The following SNTG1 variants were observed in gnomAD, a reference collection of about 807,000 sequenced individuals.
The protein encoded by SNTG1 is syntrophin gamma 1.
Under a neutral mutation model 74.7 loss-of-function variants are expected in SNTG1, and 39 were observed. The observed-to-expected ratio is 0.52, with a 90% CI of 0.40 to 0.68. SNTG1 has a LOEUF of 0.68. Among genes scored for constraint, SNTG1 ranks in the 30% least tolerant of loss-of-function variants. SNTG1 has a pLI of 0.00. For synonymous variants in SNTG1, 254 were observed against 217.1 expected, an observed-to-expected ratio of 1.17 and a Z score of -1.49; for missense variants, 685 against 609.5, an observed-to-expected ratio of 1.12 and a Z score of -1.30.
intron 2 of SNTG1, among the ~76,000 whole-genome samples, chr8:50,376,973 G>A (rs1049184800): frequency 6.6e-6 from 1 of 152,010 alleles, no homozygotes; most frequent in Non-Finnish European, 1.5e-5. Context: ...AGCAGTGAAG[G>A]ATTCAACCTG....
rs2095696563 is a variant in SNTG1 at position 50,793,301 on chromosome 8, G to A, written c.*472G>A. 6.6e-6 allele frequency: 1 copy of A among 151,956 alleles called. No individual in the cohort carries two copies. Among genetic ancestry groups the A allele is most frequent in the Admixed American group, 6.6e-5 (1 of 15,198 alleles). The allele number at this position is 151,956 out of a possible 1,614,324, so 9.4% of individuals were successfully genotyped here. A position where few individuals can be genotyped will look rare whatever the true frequency, so the allele number is the denominator to read the frequency against. On this transcript the variant is annotated 3_prime_UTR_variant, in exon 19 of 19. Coordinates refer to ENST00000642720, the MANE Select transcript of SNTG1 (RefSeq NM_018967.5). ...GTTAAAAACCATAAATCAGCAAGGA[G>A]CATGCAAAAAAATCTCATCAAAGAA...
intron 15 of SNTG1, among the ~76,000 whole-genome samples, chr8:50,700,818 T>G (rs1304226274): frequency 6.6e-6 from 1 of 152,194 alleles, no homozygotes; most frequent in Non-Finnish European, 1.5e-5. Flanking sequence ...GGTGCTCAGA[T>G]GCCATTTGCA....
chr8:50,756,122 T>C (rs924925093), intron 18 of SNTG1, among the ~76,000 whole-genome samples: 17 of 151,898 alleles, frequency 1.1e-4, no homozygotes, highest in Non-Finnish European at 4.4e-5. Context: ...ATCATTGAGT[T>C]TTAACAGTTC....
chr8:50,517,926 G>T (rs1395646958), intron 9 of SNTG1, among the ~76,000 whole-genome samples: 1 of 152,136 alleles, frequency 6.6e-6, no homozygotes, highest in African/African-American at 2.4e-5. Flanking sequence ...GGATATTCAG[G>T]ACTTGAACTC....
intron 8 of SNTG1, among the ~76,000 whole-genome samples, chr8:50,463,556 G>A (rs1208341393): frequency 6.6e-6 from 1 of 152,134 alleles, no homozygotes; most frequent in Non-Finnish European, 1.5e-5. Context: ...CTTTTGAAAG[G>A]AATCTTATTT....
In SNTG1 at chr8:50,162,821, G is replaced by A. The variant is rs189917754; in HGVS notation, c.-102-9740G>A. 3.1e-4 allele frequency among the ~76,000 whole-genome samples: 47 copies of A among 152,232 alleles called. No homozygotes were observed. In the East Asian group the frequency reaches 9.1e-3, roughly 29 times the overall value. Reference sequence around the variant, plus strand: ...GCCATCTGCTCCCACTGCTGTTCCTGGAGGTAAACATGCCCCGGCTATCCC... The same window carrying A: ...GCCATCTGCTCCCACTGCTGTTCCTAGAGGTAAACATGCCCCGGCTATCCC... On this transcript the variant is annotated intron_variant, in intron 1 of 18. Coordinates refer to ENST00000642720, the MANE Select transcript of SNTG1 (RefSeq NM_018967.5).
chr8:50,455,100 C>T (rs2093492847), intron 8 of SNTG1, among the ~76,000 whole-genome samples: 2 of 152,062 alleles, frequency 1.3e-5, no homozygotes, highest in East Asian at 1.9e-4. Context: ...GGTGATCTTC[C>T]TCTCTTCACT....
intron 1 of SNTG1, among the ~76,000 whole-genome samples, chr8:50,036,040 A>C (rs1163021859): frequency 1.3e-5 from 2 of 152,220 alleles, no homozygotes; most frequent in Non-Finnish European, 2.9e-5. Flanking sequence ...CTCTTTATGC[A>C]TCACTTTCTC....
At chr8:49,930,484 TGAA>T (rs1807469378) in intron 1 of SNTG1, among the ~76,000 whole-genome samples, 1 of 77,730 alleles carries the variant, frequency 1.3e-5, no homozygotes, top group Non-Finnish European at 3.6e-5. Context: ...CTTAATCTGA[TGAA>T]GGAGATATAT....
rs542122313 is a variant in SNTG1, at chr8:50,462,627, A to G, written c.363+11898A>G. Among the ~76,000 whole-genome samples, 3 of 152,130 alleles carry G rather than the reference A, an allele frequency of 2.0e-5. No individual in the cohort carries two copies. In the South Asian group the frequency reaches 6.2e-4, roughly 32 times the overall value. On this transcript the variant is annotated intron_variant, in intron 8 of 18. Coordinates refer to ENST00000642720, the MANE Select transcript of SNTG1 (RefSeq NM_018967.5). ...CTGCTTTATCAACTAAGTTTACATA[A>G]TATTCTAAATTCTTTGTTGTCATTT...
chr8:50,151,485 C>A (rs770734897), intron 1 of SNTG1, among the ~76,000 whole-genome samples: 1 of 152,048 alleles, frequency 6.6e-6, no homozygotes, highest in Non-Finnish European at 1.5e-5. Context: ...TTCTCTAGTT[C>A]TTTTAATTGT....
chr8:50,238,034 A>G (rs1205297828), intron 2 of SNTG1, among the ~76,000 whole-genome samples: 1 of 152,144 alleles, frequency 6.6e-6, no homozygotes, highest in Non-Finnish European at 1.5e-5. Context: ...CCATATGCAT[A>G]GGAGGAATCA....
At chr8:50,654,241 C>CT (rs2095166799) in intron 13 of SNTG1, among the ~76,000 whole-genome samples, 1 of 152,016 alleles carries the variant, frequency 6.6e-6, no homozygotes, top group Non-Finnish European at 1.5e-5. Context: ...AGTGTAACAC[C>CT]TTTTTCTCTT....
At chr8:50,722,450 A>T (rs1242250749) in intron 17 of SNTG1, among the ~76,000 whole-genome samples, 1 of 152,058 alleles carries the variant, frequency 6.6e-6, no homozygotes, top group African/African-American at 2.4e-5. Flanking sequence ...TGCTGGGATT[A>T]CAGGCGTGAA....
chr8:50,775,491 CCTT>C (rs1425141923), intron 18 of SNTG1, among the ~76,000 whole-genome samples: 2 of 151,602 alleles, frequency 1.3e-5, no homozygotes, highest in Non-Finnish European at 3.0e-5. Context: ...AGAAAACACA[CCTT>C]CTATGACTTT....
intron 2 of SNTG1, among the ~76,000 whole-genome samples, chr8:50,195,852 T>C (rs1392239034): frequency 6.6e-6 from 1 of 152,134 alleles, no homozygotes; most frequent in Non-Finnish European, 1.5e-5. Context: ...GCTGTTGGTT[T>C]GTTCTTGCAG....
intron 1 of SNTG1, among the ~76,000 whole-genome samples, chr8:50,170,843 G>A (rs1211398866): frequency 6.6e-6 from 1 of 152,124 alleles, no homozygotes; most frequent in African/African-American, 2.4e-5. Context: ...GCTGCTCTGG[G>A]TTCCTAATGG....
At chr8:50,467,752 T>C (rs1420256038) in intron 8 of SNTG1, among the ~76,000 whole-genome samples, 2 of 152,010 alleles carry the variant, frequency 1.3e-5, no homozygotes, top group African/African-American at 4.8e-5. Context: ...TAACCTTCTT[T>C]ACTAATACAT....
In SNTG1 at chr8:50,778,753, G is replaced by T. The variant is rs562147538; in HGVS notation, c.1396-13918G>T. 9.7e-4 allele frequency among the ~76,000 whole-genome samples: 146 copies of T among 149,884 alleles called. No homozygotes were observed. The Middle Eastern group carries it at 0.014, about 14-fold the overall frequency. On this transcript the variant is annotated intron_variant, in intron 18 of 18. Transcript: ENST00000642720. ...TTGGCTTTTGTTGCCATTGCTTTTG[G>T]TGTTTTAGACATGAAGTCCTTGCCC... is the stretch of plus-strand genomic sequence containing the variant.
Sources: allele counts gnomAD v4.1 joint callset (sites outside exome capture counted in the v4.1 genomes callset), GRCh38; gene constraint gnomAD v4.1.1; transcripts MANE v1.5; gene names NCBI Gene and HGNC (gene_info 2026-07-23, HGNC 2026-07-21).